GABRB3: variants seen among roughly 807,000 people sequenced by gnomAD.
The protein encoded by GABRB3 is gamma-aminobutyric acid receptor subunit beta-3.
A neutral mutation model predicts 52.1 loss-of-function variants in GABRB3; 14 were observed. The observed-to-expected ratio is 0.27, with a 90% CI of 0.18 to 0.42. GABRB3 has a LOEUF of 0.42. Ranked by LOEUF, GABRB3 falls within the 10% of genes least tolerant of loss-of-function variation. The pLI is 1.00. For missense variants in GABRB3, 307 were observed against 609.1 expected, an observed-to-expected ratio of 0.50 and a Z score of 5.22; for synonymous variants, 260 against 232.3, an observed-to-expected ratio of 1.12 and a Z score of -1.08.
chr15:26,549,319 T>C (rs1475077180), intron 8 of GABRB3, among the ~76,000 whole-genome samples: 1 of 152,024 alleles, frequency 6.6e-6, no homozygotes, highest in Non-Finnish European at 1.5e-5. Flanking sequence ...GAGTTCCAAG[T>C]AGGGATAAGA....
chr15:26,654,330 T>C (rs1003581343), intron 3 of GABRB3, among the ~76,000 whole-genome samples: 3 of 152,138 alleles, frequency 2.0e-5, no homozygotes, highest in African/African-American at 7.2e-5. Context: ...TATTTTTTAG[T>C]AGAGACAGGG....
chr15:26,704,165 A>G (rs764364125), intron 3 of GABRB3, among the ~76,000 whole-genome samples: 2 of 152,214 alleles, frequency 1.3e-5, no homozygotes, highest in Non-Finnish European at 2.9e-5. Context: ...TACTAAGGGT[A>G]CACTGCCAAG....
intron 3 of GABRB3, among the ~76,000 whole-genome samples, chr15:26,744,408 TAACTC>T (rs1263404402): frequency 1.4e-5 from 2 of 147,424 alleles, no homozygotes; most frequent in African/African-American, 5.0e-5. Context: ...GTTTTCAACT[TAACTC>T]ATCAACAATA....
intron 3 of GABRB3, among the ~76,000 whole-genome samples, chr15:26,730,492 C>A (rs547406571): frequency 6.6e-6 from 1 of 152,082 alleles, no homozygotes; most frequent in Non-Finnish European, 1.5e-5. Flanking sequence ...TCACCACCCC[C>A]CGTGCGGATG....
chr15:26,660,161 T>A (rs1455681529), intron 3 of GABRB3, among the ~76,000 whole-genome samples: 1 of 144,342 alleles, frequency 6.9e-6, no homozygotes, highest in East Asian at 2.0e-4. Flanking sequence ...ACCCGGGAGG[T>A]GGAGGTTGCG....
chr15:26,732,693 G>C lies in GABRB3; in HGVS notation c.240+39709C>G, dbSNP rs368878633. Among the ~76,000 whole-genome samples, 18 of 152,030 alleles carry C rather than the reference G, an allele frequency of 1.2e-4. No individual in the cohort carries two copies. In the East Asian group the frequency reaches 1.6e-3, roughly 13 times the overall value. Reference sequence around the variant, plus strand: ...AGCAATTCCCCTGCCTCAGCCCGCTGAGTAGCTGGGATAACAGGCACGCGC... The same window carrying C: ...AGCAATTCCCCTGCCTCAGCCCGCTCAGTAGCTGGGATAACAGGCACGCGC... On this transcript the variant is annotated intron_variant, in intron 3 of 8. Transcript: ENST00000311550.
chr15:26,580,220 G>A (rs1295414246), intron 6 of GABRB3, 99 bp downstream of exon 6: 15 of 1,391,460 alleles, frequency 1.1e-5, no homozygotes, highest in Non-Finnish European at 1.3e-5. Flanking sequence ...TCCTTCCGAT[G>A]ATCCTGTGCT....
intron 3 of GABRB3, among the ~76,000 whole-genome samples, chr15:26,678,685 T>C (rs146305045): frequency 9.4e-4 from 143 of 152,098 alleles, no homozygotes; most frequent in African/African-American, 2.6e-3. Context: ...ATGGATCGAC[T>C]CTGAGGTGAC....
intron 6 of GABRB3, among the ~76,000 whole-genome samples, chr15:26,570,228 G>A (rs1282736914): frequency 6.6e-6 from 1 of 152,198 alleles, no homozygotes; most frequent in Non-Finnish European, 1.5e-5. Context: ...TTTGACATGA[G>A]GTGAAAACAT....
chr15:26,702,981 G>A (rs1405719961), intron 3 of GABRB3, among the ~76,000 whole-genome samples: 2 of 152,110 alleles, frequency 1.3e-5, no homozygotes, highest in Non-Finnish European at 2.9e-5. Context: ...CCTCTTCCTG[G>A]TTCATAAATG....
At chr15:26,689,666 C>T (rs1221332693) in intron 3 of GABRB3, among the ~76,000 whole-genome samples, 1 of 152,016 alleles carries the variant, frequency 6.6e-6, no homozygotes, top group Non-Finnish European at 1.5e-5. Context: ...CCTCACTGTG[C>T]ATCCATGTCA....
chr15:26,617,028 C>G (rs1487337913), intron 4 of GABRB3, among the ~76,000 whole-genome samples: 1 of 152,016 alleles, frequency 6.6e-6, no homozygotes, highest in Non-Finnish European at 1.5e-5. Flanking sequence ...AAGACTAAAC[C>G]AGGAAGAAGT....
intron 3 of GABRB3, among the ~76,000 whole-genome samples, chr15:26,692,849 G>A (rs960453168): frequency 2.0e-5 from 3 of 152,124 alleles, no homozygotes; most frequent in Non-Finnish European, 2.9e-5. Flanking sequence ...AAGAAATCTC[G>A]TTTTACTTAG....
intron 3 of GABRB3, among the ~76,000 whole-genome samples, chr15:26,709,422 T>C (rs1387020164): frequency 1.3e-5 from 2 of 152,044 alleles, no homozygotes; most frequent in Non-Finnish European, 2.9e-5. Context: ...ATTGGAAGCT[T>C]CCTGAGGCCT....
Position 26,583,512 on chromosome 15 carries a change from T to C in GABRB3, c.462-98A>G. 9 of 913,338 alleles carry C rather than the reference T, an allele frequency of 9.9e-6. 1 individual carries two copies. The East Asian group carries it at 1.5e-4, about 15-fold the overall frequency. 56.6% of individuals were successfully genotyped at this position (913,338 alleles called of 1,614,324 possible). A position where few individuals can be genotyped will look rare whatever the true frequency, so the allele number is the denominator to read the frequency against. On this transcript the variant is annotated intron_variant, in intron 4 of 8. Coordinates refer to ENST00000311550, the MANE Select transcript of GABRB3 (RefSeq NM_000814.6). ...AACGAGTAAGCCCCTGTGGGAACCC[T>C]GCCCAAAGTACGCCTGGCTAAACAT...
intron 3 of GABRB3, among the ~76,000 whole-genome samples, chr15:26,676,392 A>C (rs1419003294): frequency 1.3e-5 from 2 of 152,210 alleles, no homozygotes; most frequent in Non-Finnish European, 2.9e-5. Flanking sequence ...GAGTGGACCA[A>C]CAAGGAGTGG....
intron 8 of GABRB3, among the ~76,000 whole-genome samples, chr15:26,554,190 A>AAAGTGTGTATATATAT (rs1567097853): frequency 6.3e-5 from 2 of 31,530 alleles, no homozygotes; most frequent in African/African-American, 1.7e-4. Flanking sequence ...ATATATATAT[A>AAAGTGTGTATATATAT]CTATATATAT....
intron 3 of GABRB3, chr15:26,624,075 C>T: frequency 1.4e-5 from 6 of 426,868 alleles, no homozygotes; most frequent in Non-Finnish European, 1.6e-5. Flanking sequence ...GTGCAGAGGC[C>T]TCCGAGGAGT....
intron 3 of GABRB3, among the ~76,000 whole-genome samples, chr15:26,711,361 C>G (rs1889288503): frequency 6.6e-6 from 1 of 152,166 alleles, no homozygotes; most frequent in Admixed American, 6.6e-5. Flanking sequence ...TAAGTTTCTC[C>G]TTCTGGGAAA....
Sources: gnomAD v4.1 joint callset for allele counts (sites outside exome capture counted in the v4.1 genomes callset) on GRCh38, gnomAD v4.1.1 for gene constraint, MANE v1.5 for transcripts, NCBI Gene and HGNC (gene_info 2026-07-23, HGNC 2026-07-21) for gene names.